JAKMIP1: variants seen among roughly 807,000 people sequenced by gnomAD.
The protein encoded by JAKMIP1 is janus kinase and microtubule-interacting protein 1.
Under a neutral mutation model 113.0 loss-of-function variants are expected in JAKMIP1, and 33 were observed. The observed-to-expected ratio is 0.29, with a 90% CI of 0.22 to 0.39. JAKMIP1 has a LOEUF of 0.39. Among genes scored for constraint, JAKMIP1 ranks in the 10% least tolerant of loss-of-function variants. The pLI is 1.00. For missense variants in JAKMIP1, 813 were observed against 1,080.5 expected (o/e 0.75, Z 3.47); for synonymous variants, 480 against 459.9 (o/e 1.04, Z -0.56).
At chr4:6,083,933 A>G (rs138107581) in intron 5 of JAKMIP1, among the ~76,000 whole-genome samples, 4,242 of 152,288 alleles carry the variant, frequency 0.028, 64 homozygotes, top group African/African-American at 0.044. Context: ...AAATTAATGT[A>G]TAAGTTTTAG....
chr4:6,174,119 T>C (rs188425124), intron 1 of JAKMIP1, among the ~76,000 whole-genome samples: 1 of 152,294 alleles, frequency 6.6e-6, no homozygotes, highest in Admixed American at 6.5e-5. Context: ...ATCAGAAATT[T>C]TATCACTGAT....
intron 1 of JAKMIP1, among the ~76,000 whole-genome samples, chr4:6,123,737 T>G (rs1429022389): frequency 6.6e-6 from 1 of 152,080 alleles, no homozygotes; most frequent in Admixed American, 6.5e-5. Context: ...GGGAGGAGCA[T>G]GTGAGCCTAG....
In JAKMIP1 at chr4:6,135,690, C is replaced by A. The variant is rs1032626046; in HGVS notation, c.-147-22693G>T. On this transcript the variant is annotated intron_variant, in intron 1 of 20. Transcript: ENST00000409021. The surrounding 1 kb of genome is among the most constrained non-coding windows in gnomAD (Gnocchi z 4.9). Reference sequence around the variant, plus strand: ...CCCCGCTGAGAAGTTGCTTCTTGCCCCATGTTACCTATGACAAACCAGAGG... The same window carrying A: ...CCCCGCTGAGAAGTTGCTTCTTGCCACATGTTACCTATGACAAACCAGAGG... Among the ~76,000 whole-genome samples, 2 of 152,162 alleles carry A rather than the reference C, an allele frequency of 1.3e-5. No homozygotes were observed. The highest frequency in any genetic ancestry group is 2.4e-5 in the African/African-American group (1 of 41,436).
chr4:6,030,884 G>A lies in JAKMIP1; in HGVS notation c.2380-1103C>T, dbSNP rs1368217206. On this transcript the variant is annotated intron_variant, in intron 19 of 20. Transcript: ENST00000409021. ...AGAGCTTCTGCCTCAGCCCAGCTGG[G>A]GTGGGACCTGAGTGAAAGTTGCACT... is the stretch of plus-strand genomic sequence containing the variant. 3.3e-5 allele frequency among the ~76,000 whole-genome samples: 5 copies of A among 152,312 alleles called. No homozygotes were observed. The South Asian group carries it at 6.2e-4, about 19-fold the overall frequency.
intron 12 of JAKMIP1, among the ~76,000 whole-genome samples, chr4:6,056,193 T>G (rs952595719): frequency 1.5e-5 from 2 of 131,586 alleles, no homozygotes; most frequent in African/African-American, 5.9e-5. Flanking sequence ...TTGGGACCTG[T>G]CCTCCCCATT....
chr4:6,035,061 C>T (rs908040689), intron 19 of JAKMIP1, among the ~76,000 whole-genome samples: 12 of 152,244 alleles, frequency 7.9e-5, no homozygotes, highest in East Asian at 3.9e-4. Context: ...GTGAACTTGC[C>T]GATCTTTATC....
chr4:6,130,376 T>C lies in JAKMIP1; in HGVS notation c.-147-17379A>G, dbSNP rs953363755. Among the ~76,000 whole-genome samples, 11 of 152,340 alleles carry C rather than the reference T, an allele frequency of 7.2e-5. No individual in the cohort carries two copies. The East Asian group carries it at 2.1e-3, about 29-fold the overall frequency. Reference sequence around the variant, plus strand: ...CAACTGAGGTCATAGGACAAACTACTGCTCCAACATTTGGAAAGGCAGACA... The same window carrying C: ...CAACTGAGGTCATAGGACAAACTACCGCTCCAACATTTGGAAAGGCAGACA... On this transcript the variant is annotated intron_variant, in intron 1 of 20. Coordinates refer to ENST00000409021, the MANE Select transcript of JAKMIP1 (RefSeq NM_001099433.2).
rs140107022 is a variant in JAKMIP1 at position 6,058,893 on chromosome 4, C to T, written c.1644+1531G>A. ...TCAGCCTGGAAGAGGGAAACTGAGG[C>T]TAGCAGCCTCAAAAAACAAAAAAGC... On this transcript the variant is annotated intron_variant, in intron 11 of 20. Transcript: ENST00000409021. Among the ~76,000 whole-genome samples the T allele has an allele frequency of 1.4e-3, 214 of 152,336 alleles. 2 individuals carry two copies. Among genetic ancestry groups the T allele is most frequent in the Admixed American group, 9.4e-3 (144 of 15,304 alleles).
At chr4:6,098,188 C>T (rs534399776) in intron 3 of JAKMIP1, among the ~76,000 whole-genome samples, 1 of 152,154 alleles carries the variant, frequency 6.6e-6, no homozygotes, top group African/African-American at 2.4e-5. Flanking sequence ...CCCAGCACTT[C>T]GGGATGCCAA....
rs577184922 is a variant in JAKMIP1 at position 6,176,189 on chromosome 4, C to T, written c.-148+24064G>A. 2.0e-5 allele frequency among the ~76,000 whole-genome samples: 3 copies of T among 152,258 alleles called. No homozygotes were observed. Among genetic ancestry groups the T allele is most frequent in the Non-Finnish European group, 2.9e-5 (2 of 68,016 alleles). On this transcript the variant is annotated intron_variant, in intron 1 of 20. Transcript: ENST00000409021. This position sits in a 1 kb window ranked among gnomAD's most constrained non-coding sequence, Gnocchi z 5.5. Reference sequence around the variant, plus strand: ...TGACTTTGAGCACAGTGGGGAGCCACGGAGAGGGTTACACCTGGGTGGAAA... The same window carrying T: ...TGACTTTGAGCACAGTGGGGAGCCATGGAGAGGGTTACACCTGGGTGGAAA...
Position 6,070,199 on chromosome 4 carries a change from G to A in JAKMIP1, c.1303-5191C>T, listed in dbSNP as rs973179618. 5.3e-5 allele frequency: 21 copies of A among 398,502 alleles called. No individual in the cohort carries two copies. The East Asian group carries it at 5.3e-4, about 10-fold the overall frequency. The allele number at this position is 398,502 out of a possible 1,614,324, so 24.7% of individuals were successfully genotyped here. The stretch of plus-strand genomic sequence containing the variant: ...GCTGCAGACACACCAGCCCCTGTGC[G>A]TGGGCTTAGGCAAAAGCCACCTCGT... On this transcript the variant is annotated intron_variant, in intron 8 of 20. Coordinates refer to ENST00000409021, the MANE Select transcript of JAKMIP1 (RefSeq NM_001099433.2).
At chr4:6,068,875 A>G (rs1333357428) in intron 8 of JAKMIP1, among the ~76,000 whole-genome samples, 2 of 152,064 alleles carry the variant, frequency 1.3e-5, no homozygotes, top group East Asian at 1.9e-4. Context: ...CAGCCTTAAC[A>G]TTTTTTTATA....
At position 6,064,860 on chromosome 4, in the gene JAKMIP1, C is replaced by A; in HGVS notation, c.1431+20G>T. ...AGAGCATCTGGGGTGAGGTCCCGCC[C>A]TCTCTGCAGGTTTGCTTACATCGTC... On this transcript the variant is annotated intron_variant, in intron 9 of 20. Coordinates refer to ENST00000409021, the MANE Select transcript of JAKMIP1 (RefSeq NM_001099433.2). The surrounding 1 kb of genome is among the most constrained non-coding windows in gnomAD (Gnocchi z 4.3). 6.2e-7 allele frequency: 1 copy of A among 1,613,756 alleles called. No individual in the cohort carries two copies. The highest frequency in any genetic ancestry group is 8.5e-7 in the Non-Finnish European group (1 of 1,179,996).
In JAKMIP1 at chr4:6,061,967, G is replaced by A. The variant is rs534987537; in HGVS notation, c.1560+345C>T. 1.3e-5 allele frequency among the ~76,000 whole-genome samples: 2 copies of A among 152,344 alleles called. No individual in the cohort carries two copies. Among genetic ancestry groups the A allele is most frequent in the Admixed American group, 1.3e-4 (2 of 15,302 alleles). On this transcript the variant is annotated intron_variant, in intron 10 of 20. Coordinates refer to ENST00000409021, the MANE Select transcript of JAKMIP1 (RefSeq NM_001099433.2). This position sits in a 1 kb window ranked among gnomAD's most constrained non-coding sequence, Gnocchi z 5.3. The stretch of plus-strand genomic sequence containing the variant: ...GGATGTCCTGGAGGGCGGGGGGCTG[G>A]CAGCCCTGGAGGGAGCGGAGCCTGA...
chr4:6,054,155 C>A lies in JAKMIP1; in HGVS notation c.1708-7G>T. The A allele has an allele frequency of 6.2e-7, 1 of 1,614,024 alleles. No individual in the cohort carries two copies. The highest frequency in any genetic ancestry group is 8.5e-7 in the Non-Finnish European group (1 of 1,179,936). ...CCATTTCCAGTCTGTAAATCTAGAG[C>A]AAAGATACCTGCGGATTAACAGGAT... On this transcript the variant is annotated splice_region_variant and splice_polypyrimidine_tract_variant and intron_variant, in intron 12 of 20. Coordinates refer to ENST00000409021, the MANE Select transcript of JAKMIP1 (RefSeq NM_001099433.2).
intron 2 of JAKMIP1, among the ~76,000 whole-genome samples, chr4:6,109,844 T>A (rs1714627641): frequency 1.1e-4 from 17 of 152,166 alleles, no homozygotes; most frequent in Admixed American, 1.1e-3. Flanking sequence ...TGCATTTATG[T>A]TTTTTGTACC....
chr4:6,086,917 G>A lies in JAKMIP1; in HGVS notation c.625-1288C>T, dbSNP rs887893552. 4.6e-5 allele frequency among the ~76,000 whole-genome samples: 7 copies of A among 152,112 alleles called. No homozygotes were observed. Among genetic ancestry groups the A allele is most frequent in the African/African-American group, 2.4e-5 (1 of 41,444 alleles). On this transcript the variant is annotated intron_variant, in intron 3 of 20. Transcript: ENST00000409021. This position sits in a 1 kb window ranked among gnomAD's most constrained non-coding sequence, Gnocchi z 4.1. Reference sequence around the variant, plus strand: ...GGTCAGCCAGCAACACCAGCATCAGGAAGAGGCTGGGAAAGATCCTCTTCC... The same window carrying A: ...GGTCAGCCAGCAACACCAGCATCAGAAAGAGGCTGGGAAAGATCCTCTTCC...
intron 3 of JAKMIP1, among the ~76,000 whole-genome samples, chr4:6,102,285 C>T (rs771481865): frequency 6.6e-6 from 1 of 152,156 alleles, no homozygotes; most frequent in Non-Finnish European, 1.5e-5. Context: ...TAGGGTCTTG[C>T]CATGTTCTGA....
rs1713764025 is a variant in JAKMIP1 at position 6,105,503 on chromosome 4, C to T, written c.594G>A (p.Lys198=). 3 of 1,609,068 alleles carry T rather than the reference C, an allele frequency of 1.9e-6. No homozygotes were observed. The highest frequency in any genetic ancestry group is 2.5e-6 in the Non-Finnish European group (3 of 1,178,358). The change falls in exon 3 of 21, where the codon AAG becomes AAA. Residue 198 remains lysine, a synonymous_variant. Transcript: ENST00000409021. ...TGCGGATGTCGCGCTCGCACTCGCG[C>T]TTGATGCGGTGCACCTCGTCTTGGT... ...QAHQDEVHRI[K]RECERDIRRL... is the part of the protein sequence containing the mutation.
Sources: allele counts gnomAD v4.1 joint callset (sites outside exome capture counted in the v4.1 genomes callset), GRCh38; gene constraint gnomAD v4.1.1; non-coding constraint Gnocchi (gnomAD v3.1); transcripts MANE v1.5; gene names NCBI Gene and HGNC (gene_info 2026-07-23, HGNC 2026-07-21).